The following GBF1 variants were observed in gnomAD, a reference collection of about 807,000 sequenced individuals.
GBF1 encodes golgi brefeldin A resistant guanine nucleotide exchange factor 1, also known as Golgi-specific brefeldin A-resistance guanine nucleotide exchange factor 1.
In GBF1, 114 loss-of-function variants were observed where a neutral mutation model predicts 210.5. That is an observed-to-expected ratio of 0.54 (90% CI 0.47 to 0.63). The LOEUF (loss-of-function observed/expected upper bound fraction) is 0.63, where lower values mean the gene tolerates loss of function less well. Among genes scored for constraint, GBF1 ranks in the 30% least tolerant of loss-of-function variants. The pLI is 0.00. For missense variants in GBF1, 1,851 were observed against 2,357.7 expected (o/e 0.79, Z 4.45); for synonymous variants, 850 against 889.2 (o/e 0.96, Z 0.78).
intron 3 of GBF1, among the ~76,000 whole-genome samples, chr10:102,308,201 T>TTAAA (rs543813987): frequency 4.9e-4 from 61 of 123,412 alleles, no homozygotes; most frequent in Admixed American, 2.0e-3. Flanking sequence ...TCACAGAAGC[T>TTAAA]AAAAAAAAAA....
At chr10:102,236,552 G>T in the GBF1 span, among the ~76,000 whole-genome samples, 1 of 152,184 alleles carries the variant, frequency 6.6e-6, no homozygotes, top group Non-Finnish European at 1.5e-5. Flanking sequence ...ATTACAGGAA[G>T]CCTGGTCATG....
chr10:102,235,725 T>C, the GBF1 span, among the ~76,000 whole-genome samples: 1 of 152,190 alleles, frequency 6.6e-6, no homozygotes, highest in Non-Finnish European at 1.5e-5. Context: ...ATCTCATCCC[T>C]GTGTCTGCCC....
At chr10:102,236,097 AGACCTCTAGCC>A in the GBF1 span, among the ~76,000 whole-genome samples, 2 of 152,350 alleles carry the variant, frequency 1.3e-5, 1 homozygote, top group South Asian at 4.1e-4. Flanking sequence ...GTGGGGGCAT[AGACCTCTAGCC>A]GACTCACGTC....
intron 3 of GBF1, among the ~76,000 whole-genome samples, chr10:102,329,298 G>T (rs978615398): frequency 6.6e-6 from 1 of 152,152 alleles, no homozygotes; most frequent in African/African-American, 2.4e-5. Flanking sequence ...CCTTGTTAAA[G>T]GGGCCTCACT....
chr10:102,265,817 T>C (rs971981120), intron 3 of GBF1, among the ~76,000 whole-genome samples: 1 of 152,090 alleles, frequency 6.6e-6, no homozygotes, highest in South Asian at 2.1e-4. Flanking sequence ...AGGGTGTGCG[T>C]GTGTCTATGT....
intron 3 of GBF1, among the ~76,000 whole-genome samples, chr10:102,264,705 T>C (rs888809157): frequency 2.6e-5 from 4 of 152,250 alleles, no homozygotes; most frequent in South Asian, 2.1e-4. Context: ...GGAATTCTCA[T>C]TGGAGTCTGT....
chr10:102,250,637 C>T (rs1414855474), intron 1 of GBF1, among the ~76,000 whole-genome samples: 1 of 151,784 alleles, frequency 6.6e-6, no homozygotes, highest in Non-Finnish European at 1.5e-5. Context: ...ATGAGAGCTA[C>T]TGCACCTGGC....
At chr10:102,317,256 C>G (rs2055893636) in intron 3 of GBF1, among the ~76,000 whole-genome samples, 1 of 152,050 alleles carries the variant, frequency 6.6e-6, no homozygotes, top group Non-Finnish European at 1.5e-5. Context: ...CATAGTGAGA[C>G]CCTGTATCTA....
chr10:102,359,780 T>G (rs1220495152), intron 11 of GBF1, among the ~76,000 whole-genome samples: 3 of 146,418 alleles, frequency 2.0e-5, no homozygotes, highest in Non-Finnish European at 3.0e-5. Flanking sequence ...TCCTTTTCCT[T>G]TTTTTTTTTT....
At chr10:102,251,594 C>T (rs2071546951) in intron 1 of GBF1, among the ~76,000 whole-genome samples, 1 of 152,016 alleles carries the variant, frequency 6.6e-6, no homozygotes, top group Admixed American at 6.6e-5. Context: ...CACTCTGTCA[C>T]CCAGGCTGGA....
At chr10:102,350,687 C>T (rs185218961) in intron 4 of GBF1, among the ~76,000 whole-genome samples, 2 of 152,282 alleles carry the variant, frequency 1.3e-5, no homozygotes, top group African/African-American at 4.8e-5. Flanking sequence ...CACAAATTCT[C>T]AGGCCCCACT....
chr10:102,351,197 C>G, intron 4 of GBF1, 59 bp from the exon 5 acceptor site: 1 of 974,872 alleles, frequency 1.0e-6, no homozygotes, highest in South Asian at 1.3e-5. Context: ...GACAGGCTGC[C>G]TTACCTTTTA....
At chr10:102,324,476 C>G (rs1438717596) in intron 3 of GBF1, among the ~76,000 whole-genome samples, 1 of 152,196 alleles carries the variant, frequency 6.6e-6, no homozygotes, top group Non-Finnish European at 1.5e-5. Context: ...CAACTTACTT[C>G]TTGCTAAATG....
In GBF1 at chr10:102,368,390, C is replaced by T. The variant is rs761456482; in HGVS notation, c.2815C>T (p.Leu939Phe). The T allele has an allele frequency of 6.2e-6, 10 of 1,613,932 alleles. No homozygotes were observed. The Admixed American group carries it at 1.0e-4, about 16-fold the overall frequency. ...TMTWGPTIAA[L>F]SYVFDKSLEE... ...GACCTGGGGCCCCACTATTGCTGCT[C>T]TCTCTTATGTCTTTGACAAAAGCCT... Residue 939 changes from leucine to phenylalanine, a missense_variant, in exon 22 of 40, where the codon CTC becomes TTC. Coordinates refer to ENST00000369983, the MANE Select transcript of GBF1 (RefSeq NM_001377137.1).
At chr10:102,281,531 C>G (rs891278440) in intron 3 of GBF1, among the ~76,000 whole-genome samples, 11 of 149,808 alleles carry the variant, frequency 7.3e-5, no homozygotes, top group African/African-American at 2.4e-4. Flanking sequence ...AAATTATAAT[C>G]TATAAATTAT....
At chr10:102,341,410 T>C (rs937776319) in intron 3 of GBF1, among the ~76,000 whole-genome samples, 1 of 152,160 alleles carries the variant, frequency 6.6e-6, no homozygotes, top group Non-Finnish European at 1.5e-5. Context: ...AACCACACCT[T>C]TACCTTTTGA....
At chr10:102,374,286 G>A (rs558417731) in intron 29 of GBF1, among the ~76,000 whole-genome samples, 1 of 152,020 alleles carries the variant, frequency 6.6e-6, no homozygotes, top group East Asian at 1.9e-4. Flanking sequence ...GGAAGCAGAG[G>A]TTGCAGTGAG....
chr10:102,352,690 G>A (rs1353175993), intron 7 of GBF1, among the ~76,000 whole-genome samples, 172 bp downstream of exon 7: 1 of 152,172 alleles, frequency 6.6e-6, no homozygotes, highest in Non-Finnish European at 1.5e-5. Flanking sequence ...GGGAGAAGGA[G>A]GAGGGAGCTG....
At chr10:102,294,517 G>A (rs1472813750) in intron 3 of GBF1, among the ~76,000 whole-genome samples, 1 of 151,954 alleles carries the variant, frequency 6.6e-6, no homozygotes, top group East Asian at 1.9e-4. Context: ...GAGTAGATGG[G>A]ACTACAGGCG....
Sources: allele counts gnomAD v4.1 joint callset (sites outside exome capture counted in the v4.1 genomes callset), GRCh38; gene constraint gnomAD v4.1.1; transcripts MANE v1.5; gene names NCBI Gene and HGNC (gene_info 2026-07-23, HGNC 2026-07-21).